ZNF592: variants seen among roughly 807,000 people sequenced by gnomAD.
ZNF592 encodes spinocerebellar ataxia, autosomal recessive 5.
ZNF592 carries 11 observed loss-of-function variants against 80.3 expected under a neutral mutation model. That is an observed-to-expected ratio of 0.14 (90% CI 0.09 to 0.23). The LOEUF (loss-of-function observed/expected upper bound fraction) is 0.23. Ranked by LOEUF, ZNF592 falls within the 10% of genes least tolerant of loss-of-function variation. The probability of loss-of-function intolerance (pLI) is 1.00; values close to 1 mark genes in which losing one functional copy is unlikely to be tolerated. For missense variants in ZNF592, 1,420 were observed against 1,633.9 expected, an observed-to-expected ratio of 0.87 and a Z score of 2.26; for synonymous variants, 646 against 640.3, an observed-to-expected ratio of 1.01 and a Z score of -0.13.
At chr15:84,790,961 GT>G in intron 5 of ZNF592, 78 bp downstream of exon 5, 1 of 1,591,208 alleles carries the variant, frequency 6.3e-7, no homozygotes, top group Non-Finnish European at 8.6e-7. Context: ...ATTTCAGATA[GT>G]TTTGGTCTTA....
At chr15:84,765,272 A>G (rs1899474201) in intron 2 of ZNF592, among the ~76,000 whole-genome samples, 1 of 152,166 alleles carries the variant, frequency 6.6e-6, no homozygotes, top group Non-Finnish European at 1.5e-5. Flanking sequence ...TCATCTGTTG[A>G]TAGATACTTG....
rs544641828 is a variant in ZNF592 at position 84,798,530 on chromosome 15, G to T, written c.2736+56G>T. 1.4e-5 allele frequency: 22 copies of T among 1,613,904 alleles called. No homozygotes were observed. In the East Asian group the frequency reaches 2.7e-4, roughly 20 times the overall value. ...GGAGGGCACATGCCTCAGGCTGGGGGTCTGACTCTGTGCATCTTTCCCCTT... is the reference window on the plus strand; with the variant it reads ...GGAGGGCACATGCCTCAGGCTGGGGTTCTGACTCTGTGCATCTTTCCCCTT... On this transcript the variant is annotated intron_variant, in intron 7 of 10. Coordinates refer to ENST00000560079, the MANE Select transcript of ZNF592 (RefSeq NM_014630.3). This position sits in a 1 kb window ranked among gnomAD's most constrained non-coding sequence, Gnocchi z 4.5.
intron 5 of ZNF592, among the ~76,000 whole-genome samples, chr15:84,791,655 C>T (rs1244447300): frequency 6.6e-6 from 1 of 152,168 alleles, no homozygotes; most frequent in African/African-American, 2.4e-5. Flanking sequence ...AGACACAGCC[C>T]TTGCCCTGGT....
intron 3 of ZNF592, among the ~76,000 whole-genome samples, chr15:84,781,193 G>A (rs373783253): frequency 6.6e-6 from 1 of 151,864 alleles, no homozygotes; most frequent in Non-Finnish European, 1.5e-5. Flanking sequence ...GGATTAAGGC[G>A]CCCACCACCA....
Position 84,773,202 on chromosome 15 carries a change from C to T in ZNF592, c.-149-4981C>T, listed in dbSNP as rs564932284. ...TTTTATTTCTTTTTTTAACAAGTCA[C>T]CACCCACCAGGGTTTTTTTTTTTTT... On this transcript the variant is annotated intron_variant, in intron 2 of 10. Coordinates refer to ENST00000560079, the MANE Select transcript of ZNF592 (RefSeq NM_014630.3). 8.6e-5 allele frequency among the ~76,000 whole-genome samples: 13 copies of T among 150,788 alleles called. No homozygotes were observed. The South Asian group carries it at 1.9e-3, about 22-fold the overall frequency.
intron 4 of ZNF592, among the ~76,000 whole-genome samples, chr15:84,786,766 G>A (rs986685195): frequency 6.6e-6 from 1 of 151,946 alleles, no homozygotes. Context: ...TGAGTCAAGG[G>A]GCCATGAGGA....
intron 4 of ZNF592, among the ~76,000 whole-genome samples, chr15:84,785,354 C>G (rs1471471135): frequency 1.3e-5 from 2 of 152,110 alleles, no homozygotes; most frequent in East Asian, 3.9e-4. Context: ...CTCTGTCACC[C>G]AGGCTGGAGT....
At chr15:84,788,359 G>T (rs944509760) in intron 4 of ZNF592, among the ~76,000 whole-genome samples, 1 of 152,004 alleles carries the variant, frequency 6.6e-6, no homozygotes, top group Non-Finnish European at 1.5e-5. Context: ...TAATTCTATT[G>T]TTTCTTTCTC....
intron 1 of ZNF592, among the ~76,000 whole-genome samples, chr15:84,761,216 T>G (rs1899341308): frequency 6.6e-6 from 1 of 152,002 alleles, no homozygotes; most frequent in African/African-American, 2.4e-5. Flanking sequence ...TCCACCCACC[T>G]TGGCCTCCCA....
At chr15:84,762,298 T>C (rs2141965435) in intron 1 of ZNF592, among the ~76,000 whole-genome samples, 1 of 152,190 alleles carries the variant, frequency 6.6e-6, no homozygotes, top group Admixed American at 6.5e-5. Context: ...GCAGGCTTGG[T>C]GGATGAGGGG....
chr15:84,754,717 A>AG (rs2141958059), intron 1 of ZNF592, among the ~76,000 whole-genome samples: 1 of 152,054 alleles, frequency 6.6e-6, no homozygotes, highest in East Asian at 1.9e-4. Context: ...AAAAAAAAAA[A>AG]AAAAGAGAGG....
intron 2 of ZNF592, among the ~76,000 whole-genome samples, chr15:84,774,118 G>A (rs1473872142): frequency 6.6e-6 from 1 of 152,176 alleles, no homozygotes; most frequent in African/African-American, 2.4e-5. Flanking sequence ...CTTCACATTT[G>A]CCTTCACTGA....
intron 2 of ZNF592, among the ~76,000 whole-genome samples, chr15:84,766,723 G>GTGTGTGTA (rs1555429341): frequency 6.7e-6 from 1 of 149,850 alleles, no homozygotes; most frequent in African/African-American, 2.5e-5. Flanking sequence ...GTGTGTGTGT[G>GTGTGTGTA]TGTGTGTGTG....
At position 84,798,828 on chromosome 15, in the gene ZNF592, C is replaced by G; in HGVS notation, c.2977C>G (p.Pro993Ala). 1 of 1,600,194 alleles carries G rather than the reference C, an allele frequency of 6.2e-7. No individual in the cohort carries two copies. Among genetic ancestry groups the G allele is most frequent in the Non-Finnish European group, 8.5e-7 (1 of 1,179,742 alleles). ...WTCQECQEWVPDRESYVSHMK... is the reference protein window; with the variant it reads ...WTCQECQEWVADRESYVSHMK... ...CTGCCAGGAGTGCCAGGAGTGGGTT[C>G]CAGATCGGGAGAGCTACGTGTCCCA... is the stretch of plus-strand genomic sequence containing the variant. Residue 993 changes from proline (P) to alanine (A), a missense_variant, in exon 8 of 11, where the codon CCA (proline) becomes GCA (alanine). Physicochemically the swap from Pro to Ala is conservative, Grantham distance 27. Coordinates refer to ENST00000560079, the MANE Select transcript of ZNF592 (RefSeq NM_014630.3). The surrounding 1 kb of genome is among the most constrained non-coding windows in gnomAD (Gnocchi z 4.5).
intron 4 of ZNF592, among the ~76,000 whole-genome samples, chr15:84,788,270 GCTCCC>G (rs1962644858): frequency 6.6e-6 from 1 of 152,102 alleles, no homozygotes; most frequent in Non-Finnish European, 1.5e-5. Context: ...TCATTGTAAA[GCTCCC>G]CACCTTTTAC....
At chr15:84,773,422 A>G (rs1352525785) in intron 2 of ZNF592, among the ~76,000 whole-genome samples, 5 of 152,094 alleles carry the variant, frequency 3.3e-5, no homozygotes, top group Non-Finnish European at 5.9e-5. Context: ...CATTTTAGCC[A>G]GGATGGTCTC....
rs779387461 is a variant in ZNF592 at position 84,782,976 on chromosome 15, C to T, written c.301C>T (p.Pro101Ser). The T allele has an allele frequency of 6.2e-7, 1 of 1,614,152 alleles. No homozygotes were observed. The highest frequency in any genetic ancestry group is 1.1e-5 in the South Asian group (1 of 91,078). ...CAATGGATTCCGGGGCTCAGATCTGCCTCCAGATCCCCACAACTGTGGGAA... is the reference window on the plus strand; with the variant it reads ...CAATGGATTCCGGGGCTCAGATCTGTCTCCAGATCCCCACAACTGTGGGAA... Reference protein sequence around the residue: ...LHNGFRGSDLPPDPHNCGKFD... With the variant: ...LHNGFRGSDLSPDPHNCGKFD... The change falls in exon 4 of 11, where the codon CCT becomes TCT. Residue 101 changes from proline to serine, a missense_variant. Pro to Ser is a moderately conservative substitution (Grantham distance 74). This residue lies in a region of ZNF592 where 373 missense variants were observed against 355.5 expected (regional missense o/e 1.05). Transcript: ENST00000560079.
In ZNF592 at chr15:84,778,572, C is replaced by T. The variant is rs368210727; in HGVS notation, c.-20+260C>T. 9.2e-5 allele frequency among the ~76,000 whole-genome samples: 14 copies of T among 152,178 alleles called. No individual in the cohort carries two copies. In the East Asian group the frequency reaches 2.3e-3, roughly 25 times the overall value. On this transcript the variant is annotated intron_variant, in intron 3 of 10. Transcript: ENST00000560079. ...TTGGGTGGACCCAGTTTCTAATGGC[C>T]GACTTGCATATCAAAGGTTGCTGGC...
intron 10 of ZNF592, 22 bp from the exon 11 acceptor site, chr15:84,801,841 C>G: frequency 6.2e-7 from 1 of 1,613,896 alleles, no homozygotes; most frequent in Non-Finnish European, 8.5e-7. Flanking sequence ...CTGGACTTTG[C>G]TCATGCTGTC....
Sources: allele counts gnomAD v4.1 joint callset (sites outside exome capture counted in the v4.1 genomes callset), GRCh38; gene constraint gnomAD v4.1.1; regional missense constraint gnomAD v4.1.1; non-coding constraint Gnocchi (gnomAD v3.1); transcripts MANE v1.5; gene names NCBI Gene and HGNC (gene_info 2026-07-23, HGNC 2026-07-21).